The following DOCK2 variants were observed in gnomAD, a reference collection of about 807,000 sequenced individuals.
DOCK2 encodes dedicator of cytokinesis protein 2.
In DOCK2, 87 loss-of-function variants were observed where a neutral mutation model predicts 248.9. The ratio of observed to expected loss-of-function variants is 0.35; its 90% CI spans 0.29 to 0.42. DOCK2 has a LOEUF of 0.42. DOCK2 is among the 10% of genes least tolerant of loss of function. The pLI, the probability that DOCK2 is intolerant of heterozygous loss-of-function variation, is 1.00. For synonymous variants in DOCK2, 805 were observed against 821.6 expected (o/e 0.98, Z 0.35); for missense variants, 1,747 against 2,300.2 (o/e 0.76, Z 4.92).
chr5:169,908,713 C>CTTTTTTTTTTTT (rs34261104), intron 27 of DOCK2, among the ~76,000 whole-genome samples: 18 of 105,018 alleles, frequency 1.7e-4, no homozygotes, highest in Non-Finnish European at 2.6e-4. Flanking sequence ...TTTCTTTTTT[C>CTTTTTTTTTTTT]TTTTTTTTTT....
chr5:169,893,958 G>T lies in DOCK2; in HGVS notation c.2799+53106G>T, dbSNP rs188469721. On this transcript the variant is annotated intron_variant, in intron 27 of 51. Transcript: ENST00000520908. ...AATCTCTTCCTGTAGATTGTCTAAAGAAATTATGAATAAAATTGGAAAAGT... is the reference window on the plus strand; with the variant it reads ...AATCTCTTCCTGTAGATTGTCTAAATAAATTATGAATAAAATTGGAAAAGT... Among the ~76,000 whole-genome samples, 335 of 150,680 alleles carry T rather than the reference G, an allele frequency of 2.2e-3. 1 individual carries two copies. The highest frequency in any genetic ancestry group is 7.2e-3 in the African/African-American group (299 of 41,474).
In DOCK2 at chr5:170,042,122, A is replaced by G; in HGVS notation, c.3866A>G (p.Asp1289Gly). 6.2e-7 allele frequency: 1 copy of G among 1,611,798 alleles called. No homozygotes were observed. The highest frequency in any genetic ancestry group is 8.5e-7 in the Non-Finnish European group (1 of 1,178,736). ...TLYETIIGYF[D>G]KGKMWEEAIS... ...TACGAGACCATCATAGGCTACTTTG[A>G]CAAAGGAAAGGTAATCTGTCCCTGC... Residue 1289 changes from aspartate (D) to glycine (G), a missense_variant, in exon 38 of 52, where the codon GAC (aspartate) becomes GGC (glycine). Physicochemically the swap from Asp to Gly is moderately conservative, Grantham distance 94 (BLOSUM62 -1). This residue lies in a region of DOCK2 where 858 missense variants were observed against 1,183.5 expected (regional missense o/e 0.72). Coordinates refer to ENST00000520908, the MANE Select transcript of DOCK2 (RefSeq NM_004946.3).
intron 27 of DOCK2, chr5:169,864,246 G>C (rs141509405): frequency 3.9e-6 from 6 of 1,544,058 alleles, no homozygotes; most frequent in South Asian, 3.6e-5. Flanking sequence ...CGTGGAGTTG[G>C]GGGGCTGGGG....
At chr5:169,994,604 T>C (rs1778289882) in intron 29 of DOCK2, among the ~76,000 whole-genome samples, 1 of 152,096 alleles carries the variant, frequency 6.6e-6, no homozygotes, top group African/African-American at 2.4e-5. Flanking sequence ...ATCTGGACCA[T>C]GAAGGATAAT....
intron 13 of DOCK2, 122 bp downstream of exon 13, chr5:169,700,261 C>T (rs1185557521): frequency 7.1e-7 from 1 of 1,400,552 alleles, no homozygotes; most frequent in African/African-American, 1.4e-5. Flanking sequence ...ATTTCTGTCC[C>T]TGAAGGTAAC....
At chr5:169,896,225 A>G (rs1359730521) in intron 27 of DOCK2, among the ~76,000 whole-genome samples, 2 of 152,194 alleles carry the variant, frequency 1.3e-5, no homozygotes, top group Non-Finnish European at 2.9e-5. Context: ...TAAAGCTCAC[A>G]TCAACATTCC....
intron 27 of DOCK2, among the ~76,000 whole-genome samples, chr5:169,936,577 CCT>C (rs1491133495): frequency 7.7e-6 from 1 of 130,128 alleles, no homozygotes; most frequent in Non-Finnish European, 1.6e-5. Context: ...TTCTCAGACT[CCT>C]TTTTTTTTTT....
At chr5:169,815,653 A>G (rs1230540113) in intron 26 of DOCK2, among the ~76,000 whole-genome samples, 1 of 152,182 alleles carries the variant, frequency 6.6e-6, no homozygotes, top group Non-Finnish European at 1.5e-5. Context: ...TAATTTTTTA[A>G]ACAAAAAAAT....
At position 169,914,935 on chromosome 5, in the gene DOCK2, A is replaced by G. The variant is rs570597696; in HGVS notation, c.2800-68133A>G. ...GTGCATTGCTGTGGCCTCTTCCCAC[A>G]GGCAGCGCCTGCCCAGAGCTGGCAG... On this transcript the variant is annotated intron_variant, in intron 27 of 51. Transcript: ENST00000520908. Among the ~76,000 whole-genome samples the G allele has an allele frequency of 2.0e-5, 3 of 152,348 alleles. No homozygotes were observed. In the South Asian group the frequency reaches 6.2e-4, roughly 32 times the overall value.
At chr5:169,923,989 C>G (rs919272662) in intron 27 of DOCK2, among the ~76,000 whole-genome samples, 1 of 152,310 alleles carries the variant, frequency 6.6e-6, no homozygotes, top group South Asian at 2.1e-4. Context: ...GGATTAATAA[C>G]GTTTATCATT....
chr5:169,904,886 G>A (rs1345746430), intron 27 of DOCK2, among the ~76,000 whole-genome samples: 3 of 152,170 alleles, frequency 2.0e-5, no homozygotes, highest in Non-Finnish European at 2.9e-5. Context: ...CACGGCTGGA[G>A]CAGCTCAGTG....
chr5:169,948,638 G>A (rs1291507972), intron 27 of DOCK2, among the ~76,000 whole-genome samples: 1 of 147,274 alleles, frequency 6.8e-6, no homozygotes, highest in Non-Finnish European at 1.5e-5. Context: ...TTTAGAGACA[G>A]GGTCTTGCTC....
rs766002560 is a variant in DOCK2, at chr5:170,018,946, C to T, written c.3233-14C>T. On this transcript the variant is annotated splice_polypyrimidine_tract_variant and intron_variant, in intron 32 of 51. Coordinates refer to ENST00000520908, the MANE Select transcript of DOCK2 (RefSeq NM_004946.3). ...CGAACTGTTTTATGTGTTCATGTTCCTCTTCTCTTTCAGGTCAGAACAAAA... is the reference window on the plus strand; with the variant it reads ...CGAACTGTTTTATGTGTTCATGTTCTTCTTCTCTTTCAGGTCAGAACAAAA... 6.2e-7 allele frequency: 1 copy of T among 1,613,292 alleles called. No homozygotes were observed. The highest frequency in any genetic ancestry group is 8.5e-7 in the Non-Finnish European group (1 of 1,179,444).
Position 169,713,046 on chromosome 5 carries a change from G to A in DOCK2, c.1659+823G>A, listed in dbSNP as rs1034771684. ...TGCCCTTTTGCCTGTGGGATGCATG[G>A]CAAACACAGCCTCGTCAAGGCTTCA... On this transcript the variant is annotated intron_variant, in intron 17 of 51. Coordinates refer to ENST00000520908, the MANE Select transcript of DOCK2 (RefSeq NM_004946.3). 8.5e-5 allele frequency among the ~76,000 whole-genome samples: 13 copies of A among 152,338 alleles called. 1 individual carries two copies. In the South Asian group the frequency reaches 1.2e-3, roughly 15 times the overall value.
chr5:169,814,342 C>T (rs527602999), intron 26 of DOCK2, among the ~76,000 whole-genome samples: 1 of 152,154 alleles, frequency 6.6e-6, no homozygotes, highest in Non-Finnish European at 1.5e-5. Flanking sequence ...ATTAGACAAA[C>T]CCTAACTGAG....
intron 2 of DOCK2, among the ~76,000 whole-genome samples, chr5:169,660,852 G>A (rs1292742302): frequency 1.3e-5 from 2 of 152,146 alleles, no homozygotes; most frequent in Non-Finnish European, 2.9e-5. Context: ...GTGTGTATGT[G>A]AAGTTTTCCT....
intron 27 of DOCK2, among the ~76,000 whole-genome samples, chr5:169,916,192 T>C (rs1266223974): frequency 6.6e-6 from 1 of 152,204 alleles, no homozygotes; most frequent in Non-Finnish European, 1.5e-5. Flanking sequence ...ATAGAGTCTT[T>C]TAAGAGTGTG....
chr5:170,054,729 C>G (rs1757054176), intron 41 of DOCK2, among the ~76,000 whole-genome samples: 1 of 152,340 alleles, frequency 6.6e-6, no homozygotes, highest in Middle Eastern at 3.4e-3. Flanking sequence ...AGTCCAGAGT[C>G]TCCACTTCTA....
At chr5:169,692,722 G>A (rs926746992) in intron 9 of DOCK2, among the ~76,000 whole-genome samples, 3 of 152,192 alleles carry the variant, frequency 2.0e-5, no homozygotes, top group African/African-American at 7.2e-5. Flanking sequence ...CAAGAGAAAT[G>A]TATTTTCTCA....
Sources: gnomAD v4.1 joint callset for allele counts (sites outside exome capture counted in the v4.1 genomes callset) on GRCh38, gnomAD v4.1.1 for gene constraint, gnomAD v4.1.1 regional missense constraint, MANE v1.5 for transcripts, NCBI Gene and HGNC (gene_info 2026-07-23, HGNC 2026-07-21) for gene names.